RNF103: variants seen among roughly 807,000 people sequenced by gnomAD.
RNF103 encodes the protein E3 ubiquitin-protein ligase RNF103.
Under a neutral mutation model 66.2 loss-of-function variants are expected in RNF103, and 23 were observed. The ratio of observed to expected loss-of-function variants is 0.35; its 90% CI spans 0.25 to 0.49. RNF103 has a LOEUF of 0.49. Among genes scored for constraint, RNF103 ranks in the 20% least tolerant of loss-of-function variants. The pLI, the probability that RNF103 is intolerant of heterozygous loss-of-function variation, is 0.98. For missense variants in RNF103, 730 were observed against 814.7 expected (o/e 0.90, Z 1.27); for synonymous variants, 297 against 289.9 (o/e 1.02, Z -0.25).
intron 3 of RNF103, among the ~76,000 whole-genome samples, chr2:86,609,109 G>A (rs538408325): frequency 6.6e-6 from 1 of 152,176 alleles, no homozygotes; most frequent in Non-Finnish European, 1.5e-5. Flanking sequence ...GATCCCTCAT[G>A]AACACTTAGT....
In RNF103 at chr2:86,603,752, A is replaced by G; in HGVS notation, c.*91T>C. The G allele has an allele frequency of 6.7e-7, 1 of 1,499,772 alleles. No homozygotes were observed. The highest frequency in any genetic ancestry group is 8.9e-7 in the Non-Finnish European group (1 of 1,119,842). The allele number at this position is 1,499,772 out of a possible 1,614,324, so 92.9% of individuals were successfully genotyped here. ...TTTCCCGTCACTGCACTAACATTAA[A>G]CTAAACTTCAAACCACAAAAACATT... On this transcript the variant is annotated 3_prime_UTR_variant, in exon 4 of 4. Transcript: ENST00000237455.
chr2:86,617,744 A>G (rs993475394), intron 2 of RNF103: 2 of 1,011,886 alleles, frequency 2.0e-6, no homozygotes, highest in Non-Finnish European at 2.4e-6. Flanking sequence ...TGGAGACAAT[A>G]TTTCTCTTCT....
intron 2 of RNF103, chr2:86,616,677 C>A: frequency 2.0e-6 from 2 of 985,362 alleles, no homozygotes; most frequent in Non-Finnish European, 2.4e-6. Flanking sequence ...TAAATATTGA[C>A]CCAAAGCTTT....
chr2:86,605,200 C>T lies in RNF103; in HGVS notation c.701G>A (p.Trp234Ter). ...KEEWNKSDQY[W>*]LKIYLFANLD... ...GTTTGCAAATAGGTATATTTTTAAC[C>T]AATACTGATCACTTTTATTCCATTC... is the stretch of plus-strand genomic sequence containing the variant. The change falls in exon 4 of 4, where the codon TGG becomes TAG. Residue 234 changes from tryptophan to a stop codon, truncating the protein, a stop_gained. Transcript: ENST00000237455. LOFTEE classifies it high-confidence loss of function. 6.2e-7 allele frequency: 1 copy of T among 1,613,786 alleles called. No homozygotes were observed. Among genetic ancestry groups the T allele is most frequent in the Non-Finnish European group, 8.5e-7 (1 of 1,180,010 alleles).
chr2:86,608,855 G>A (rs905634228), intron 3 of RNF103, among the ~76,000 whole-genome samples: 2 of 152,188 alleles, frequency 1.3e-5, no homozygotes, highest in Admixed American at 1.3e-4. Flanking sequence ...GCTGGTTAGG[G>A]AATGAGAAGA....
rs1168199971 is a variant in RNF103, at chr2:86,623,665, G to GA, written c.-780dup. On this transcript the variant is annotated 5_prime_UTR_variant, in exon 1 of 4. Transcript: ENST00000237455. ...CTGCAGATGGAATCGGTCTCGGAGGGAAAAAACCAATAATAGGCCCCGAGA... is the reference window on the plus strand; with the variant it reads ...CTGCAGATGGAATCGGTCTCGGAGGGAAAAAAACCAATAATAGGCCCCGAGA... The GA allele has an allele frequency of 1.8e-4, 210 of 1,168,254 alleles. No individual in the cohort carries two copies. Among genetic ancestry groups the GA allele is most frequent in the Non-Finnish European group, 2.0e-4 (182 of 932,302 alleles). 72.4% of individuals were successfully genotyped at this position (1,168,254 alleles called of 1,614,324 possible).
intron 3 of RNF103, among the ~76,000 whole-genome samples, chr2:86,609,774 G>C (rs147725685): frequency 6.6e-6 from 1 of 152,266 alleles, no homozygotes; most frequent in Non-Finnish European, 1.5e-5. Flanking sequence ...CCAGCACACT[G>C]AAGTCAGCTG....
chr2:86,609,730 A>C (rs1678715288), intron 3 of RNF103, among the ~76,000 whole-genome samples: 1 of 152,094 alleles, frequency 6.6e-6, no homozygotes, highest in Non-Finnish European at 1.5e-5. Context: ...GGCAGGAGCT[A>C]AACAGGTCAG....
intron 2 of RNF103, among the ~76,000 whole-genome samples, chr2:86,619,341 CTT>C (rs755635376): frequency 1.9e-4 from 29 of 152,278 alleles, no homozygotes; most frequent in South Asian, 6.2e-4. Flanking sequence ...CTGAATCAAA[CTT>C]TGCCCACTCC....
Position 86,603,661 on chromosome 2 carries a change from G to T in RNF103, c.*182C>A. 3 of 766,028 alleles carry T rather than the reference G, an allele frequency of 3.9e-6. No individual in the cohort carries two copies. Among genetic ancestry groups the T allele is most frequent in the East Asian group, 2.9e-5 (1 of 34,456 alleles). 47.5% of individuals were successfully genotyped at this position (766,028 alleles called of 1,614,324 possible). ...GTAAATAAAAAAATTTTACAATTAG[G>T]TATGCATTCAATTAACACACAAGGC... On this transcript the variant is annotated 3_prime_UTR_variant, in exon 4 of 4. Transcript: ENST00000237455.
chr2:86,618,471 G>C (rs1679107898), intron 2 of RNF103: 1 of 152,388 alleles, frequency 6.6e-6, no homozygotes, highest in Non-Finnish European at 1.5e-5. Context: ...TTTATTACAG[G>C]AGCTTAATTC....
At chr2:86,617,565 C>G (rs1400433298) in intron 2 of RNF103, 9 of 776,142 alleles carry the variant, frequency 1.2e-5, no homozygotes, top group Non-Finnish European at 1.4e-5. Flanking sequence ...TTGGTACTAT[C>G]CACGGTTTCA....
chr2:86,604,993 G>A lies in RNF103; in HGVS notation c.908C>T (p.Thr303Ile). Residue 303 changes from threonine to isoleucine, a missense_variant, in exon 4 of 4, where the codon ACA (threonine) becomes ATA (isoleucine). Around this residue, in one of 3 missense-constraint regions of RNF103, gnomAD observed 327 missense variants for 369.8 expected, o/e 0.88. Coordinates refer to ENST00000237455, the MANE Select transcript of RNF103 (RefSeq NM_005667.4). ...PEGIYRYGNH[T>I]GEFISLQAMD... Reference sequence around the variant, plus strand: ...GGCCTGAAGGGATATAAATTCGCCTGTGTGGTTTCCATACCTGTAAATTCC... The same window carrying A: ...GGCCTGAAGGGATATAAATTCGCCTATGTGGTTTCCATACCTGTAAATTCC... 6.2e-7 allele frequency: 1 copy of A among 1,614,112 alleles called. No individual in the cohort carries two copies. Among genetic ancestry groups the A allele is most frequent in the East Asian group, 2.2e-5 (1 of 44,864 alleles).
rs1217699100 is a variant in RNF103, at chr2:86,621,057, C to T, written c.227-588G>A. ...ATTAAACAAAAAGGAAAGGAAAACA[C>T]TAAAATCAAATTATTTTAACTTTCG... On this transcript the variant is annotated intron_variant, in intron 1 of 3. Coordinates refer to ENST00000237455, the MANE Select transcript of RNF103 (RefSeq NM_005667.4). 2.0e-5 allele frequency among the ~76,000 whole-genome samples: 3 copies of T among 152,118 alleles called. No homozygotes were observed. The East Asian group carries it at 5.8e-4, about 29-fold the overall frequency.
intron 2 of RNF103, 73 bp from the exon 3 acceptor site, chr2:86,612,347 A>G: frequency 1.3e-6 from 1 of 772,038 alleles, no homozygotes; most frequent in Non-Finnish European, 2.2e-6. Context: ...TACATCAACA[A>G]TATAATTTCA....
At chr2:86,617,401 G>GGA (rs1679062690) in intron 2 of RNF103, 1 of 647,010 alleles carries the variant, frequency 1.5e-6, no homozygotes, top group South Asian at 6.9e-5. Flanking sequence ...TTAGATATTC[G>GGA]GAGAGAGAGA....
chr2:86,621,662 A>C (rs188094002), intron 1 of RNF103, among the ~76,000 whole-genome samples: 18 of 151,968 alleles, frequency 1.2e-4, no homozygotes, highest in Admixed American at 1.2e-3. Flanking sequence ...ATCACGCTAC[A>C]TGTCTATAAG....
chr2:86,620,459 C>A lies in RNF103; in HGVS notation c.237G>T (p.Met79Ile). Residue 79 changes from methionine (M) to isoleucine (I), a missense_variant, in exon 2 of 4, where the codon ATG (methionine) becomes ATT (isoleucine). Coordinates refer to ENST00000237455, the MANE Select transcript of RNF103 (RefSeq NM_005667.4). ...RELVEKSGDL[M>I]EGELYSALKE... ...TGAGAGCAGAATAGAGCTCACCCTC[C>A]ATCAAGTCACCTGAAGAAAGGAAAA... is the stretch of plus-strand genomic sequence containing the variant. The A allele has an allele frequency of 6.3e-7, 1 of 1,579,418 alleles. No individual in the cohort carries two copies. Among genetic ancestry groups the A allele is most frequent in the South Asian group, 1.1e-5 (1 of 86,970 alleles).
In RNF103 at chr2:86,605,128, G is replaced by A; in HGVS notation, c.773C>T (p.Thr258Ile). The A allele has an allele frequency of 6.2e-7, 1 of 1,613,768 alleles. No homozygotes were observed. The highest frequency in any genetic ancestry group is 1.3e-5 in the African/African-American group (1 of 74,996). Residue 258 changes from threonine (T) to isoleucine (I), a missense_variant, in exon 4 of 4, where the codon ACT becomes ATT. Thr to Ile is a moderately conservative substitution (Grantham distance 89, BLOSUM62 -1). Transcript: ENST00000237455. ...AFFSALSIKF[T>I]GRVEFIFVNV... Reference sequence around the variant, plus strand: ...AACAAAAATAAACTCAACTCTTCCAGTAAACTTTATACTTAGTGCAGAGAA... The same window carrying A: ...AACAAAAATAAACTCAACTCTTCCAATAAACTTTATACTTAGTGCAGAGAA...
Sources: gnomAD v4.1 joint callset for allele counts (sites outside exome capture counted in the v4.1 genomes callset) on GRCh38, gnomAD v4.1.1 for gene constraint, gnomAD v4.1.1 regional missense constraint, MANE v1.5 for transcripts, NCBI Gene and HGNC (gene_info 2026-07-23, HGNC 2026-07-21) for gene names.